DAPK1: variants seen among roughly 807,000 people sequenced by gnomAD.
DAPK1 encodes the protein death-associated protein kinase 1.
A neutral mutation model predicts 144.9 loss-of-function variants in DAPK1; 56 were observed. The observed-to-expected ratio is 0.39, with a 90% CI of 0.31 to 0.48. DAPK1 has a LOEUF of 0.48. DAPK1 is among the 20% of genes least tolerant of loss of function. The pLI is 0.95. For synonymous variants in DAPK1, 690 were observed against 749.0 expected (o/e 0.92, Z 1.29); for missense variants, 1,454 against 1,875.4 (o/e 0.78, Z 4.15).
intron 2 of DAPK1, among the ~76,000 whole-genome samples, chr9:87,515,943 C>T (rs1397538494): frequency 6.6e-6 from 1 of 152,140 alleles, no homozygotes; most frequent in Non-Finnish European, 1.5e-5. Flanking sequence ...CAGTGGTCAG[C>T]GGGTGCCCTT....
chr9:87,509,884 T>TG (rs1168211666), intron 2 of DAPK1, among the ~76,000 whole-genome samples: 2 of 152,238 alleles, frequency 1.3e-5, no homozygotes, highest in African/African-American at 4.8e-5. Flanking sequence ...CTTTCTCACT[T>TG]GCTCCGTTCC....
At chr9:87,608,648 A>G (rs1403781577) in intron 3 of DAPK1, among the ~76,000 whole-genome samples, 3 of 152,162 alleles carry the variant, frequency 2.0e-5, no homozygotes, top group African/African-American at 7.2e-5. Flanking sequence ...ACTGTTTTTC[A>G]ATTGTAGGCT....
In DAPK1 at chr9:87,704,218, G is replaced by A. The variant is rs184010993; in HGVS notation, c.3060+1001G>A. 3.9e-5 allele frequency among the ~76,000 whole-genome samples: 6 copies of A among 152,312 alleles called. No individual in the cohort carries two copies. In the South Asian group the frequency reaches 1.2e-3, roughly 32 times the overall value. The stretch of plus-strand genomic sequence containing the variant: ...ATTGAATCCAAGGAAGAACACAGGT[G>A]AAGGACCACATCTTAGATGACAAGA... On this transcript the variant is annotated intron_variant, in intron 25 of 25. Coordinates refer to ENST00000408954, the MANE Select transcript of DAPK1 (RefSeq NM_004938.4).
chr9:87,575,273 A>AAATAAAATAC (rs1351404555), intron 2 of DAPK1, among the ~76,000 whole-genome samples: 1 of 143,028 alleles, frequency 7.0e-6, no homozygotes. Flanking sequence ...AAATAAAATA[A>AAATAAAATAC]AGGTAAAAGG....
At position 87,668,647 on chromosome 9, in the gene DAPK1, A is replaced by G; in HGVS notation, c.1974A>G (p.Val658=). ...DLARSEQHEH[V]AGLLARLRKD... The stretch of plus-strand genomic sequence containing the variant: ...CTAGATCGGAACAGCACGAGCACGT[A>G]GCAGGTCTCCTTGCAAGACTTCGAA... Residue 658 remains valine, a synonymous_variant, in exon 19 of 26, where the codon GTA becomes GTG. Transcript: ENST00000408954. The G allele has an allele frequency of 6.9e-7, 1 of 1,454,192 alleles. No homozygotes were observed. The highest frequency in any genetic ancestry group is 2.3e-5 in the East Asian group (1 of 44,140). The allele number at this position is 1,454,192 out of a possible 1,614,324, so 90.1% of individuals were successfully genotyped here.
chr9:87,702,695 A>G (rs1375800849), intron 24 of DAPK1, among the ~76,000 whole-genome samples: 2 of 152,188 alleles, frequency 1.3e-5, no homozygotes, highest in Admixed American at 1.3e-4. Context: ...TGAGCAATAG[A>G]TGAGGCTTAA....
chr9:87,540,824 T>C (rs1219974725), intron 2 of DAPK1, among the ~76,000 whole-genome samples: 2 of 152,234 alleles, frequency 1.3e-5, no homozygotes, highest in African/African-American at 4.8e-5. Flanking sequence ...TAATTATCTT[T>C]TAACTTTTAG....
At chr9:87,666,340 C>A (rs1317085987) in intron 18 of DAPK1, among the ~76,000 whole-genome samples, 1 of 152,210 alleles carries the variant, frequency 6.6e-6, no homozygotes, top group Non-Finnish European at 1.5e-5. Context: ...CAACTTCAAA[C>A]TGTCTCCTGC....
At chr9:87,571,473 A>ACACACC (rs377253457) in intron 2 of DAPK1, among the ~76,000 whole-genome samples, 1,099 of 57,522 alleles carry the variant, frequency 0.019, 190 homozygotes, top group Middle Eastern at 0.05. Flanking sequence ...ACACACACAC[A>ACACACC]CCAACACACA....
intron 6 of DAPK1, 22 bp downstream of exon 6, chr9:87,639,720 T>G (rs763006437): frequency 5.0e-6 from 8 of 1,613,860 alleles, no homozygotes; most frequent in South Asian, 2.2e-5. Context: ...GTCCTTGGTG[T>G]TGTTTGCTTT....
intron 18 of DAPK1, among the ~76,000 whole-genome samples, chr9:87,660,333 G>A (rs985438306): frequency 4.6e-5 from 7 of 151,970 alleles, no homozygotes; most frequent in Non-Finnish European, 7.4e-5. Context: ...TGGGGGCGTC[G>A]CCCTCAGAAA....
chr9:87,582,813 A>G (rs1310819741), intron 2 of DAPK1, among the ~76,000 whole-genome samples: 3 of 152,010 alleles, frequency 2.0e-5, no homozygotes, highest in Non-Finnish European at 4.4e-5. Context: ...TCGGCCTCCC[A>G]AAGTGCTGGG....
chr9:87,667,165 C>A (rs1163216311), intron 18 of DAPK1, among the ~76,000 whole-genome samples: 1 of 152,162 alleles, frequency 6.6e-6, no homozygotes, highest in Non-Finnish European at 1.5e-5. Flanking sequence ...TGGCATGGAT[C>A]CCTGGTTGGA....
At position 87,698,466 on chromosome 9, in the gene DAPK1, C is replaced by A. The variant is rs1023320818; in HGVS notation, c.2612-190C>A. ...GGCCTAGGAGATAGGCTTATCCTGT[C>A]GTTGGCCATGCTGGGGCCTTCTAGG... On this transcript the variant is annotated intron_variant, in intron 22 of 25. Transcript: ENST00000408954. 1.1e-5 allele frequency: 6 copies of A among 556,358 alleles called. No individual in the cohort carries two copies. The East Asian group carries it at 1.8e-4, about 16-fold the overall frequency. 34.5% of individuals were successfully genotyped at this position (556,358 alleles called of 1,614,324 possible).
At chr9:87,684,857 T>C (rs1314831146) in intron 20 of DAPK1, among the ~76,000 whole-genome samples, 1 of 152,190 alleles carries the variant, frequency 6.6e-6, no homozygotes, top group Non-Finnish European at 1.5e-5. Context: ...TAACACCTTG[T>C]ACAAAGCCTG....
In DAPK1 at chr9:87,703,119, C is replaced by T. The variant is rs750939596; in HGVS notation, c.2962C>T (p.Leu988=). The change falls in exon 25 of 26, where the codon CTG becomes TTG. Residue 988 remains leucine, a synonymous_variant. Transcript: ENST00000408954. ...KLNGPNQLMS[L]QQFVYDVQDQ... ...CAATGGACCCAACCAGCTGATGTCGCTGCAGCAGTTTGTGTACGACGTGCA... is the reference window on the plus strand; with the variant it reads ...CAATGGACCCAACCAGCTGATGTCGTTGCAGCAGTTTGTGTACGACGTGCA... 1 of 1,605,632 alleles carries T rather than the reference C, an allele frequency of 6.2e-7. No homozygotes were observed. The highest frequency in any genetic ancestry group is 8.5e-7 in the Non-Finnish European group (1 of 1,172,194).
chr9:87,629,300 A>T (rs1464309174), intron 3 of DAPK1, among the ~76,000 whole-genome samples: 1 of 152,178 alleles, frequency 6.6e-6, no homozygotes, highest in Non-Finnish European at 1.5e-5. Context: ...GCTCGTCTAC[A>T]AGCCCAGGAG....
intron 3 of DAPK1, among the ~76,000 whole-genome samples, chr9:87,626,446 AC>A (rs1829497308): frequency 6.6e-6 from 1 of 151,404 alleles, no homozygotes; most frequent in Admixed American, 6.6e-5. Context: ...ACAAAAAACA[AC>A]AACAACAACA....
chr9:87,569,897 G>C (rs2104729), intron 2 of DAPK1, among the ~76,000 whole-genome samples: 1 of 151,930 alleles, frequency 6.6e-6, no homozygotes, highest in East Asian at 1.9e-4. Flanking sequence ...AAAGTTTTAG[G>C]TATTATTTTC....
Sources: allele counts gnomAD v4.1 joint callset (sites outside exome capture counted in the v4.1 genomes callset), GRCh38; gene constraint gnomAD v4.1.1; transcripts MANE v1.5; gene names NCBI Gene and HGNC (gene_info 2026-07-23, HGNC 2026-07-21).